The following AKNA variants were observed in gnomAD, a reference collection of about 807,000 sequenced individuals.
The protein encoded by AKNA is AT-hook transcription factor.
Under a neutral mutation model 138.8 loss-of-function variants are expected in AKNA, and 67 were observed. That is an observed-to-expected ratio of 0.48 (90% CI 0.40 to 0.59). AKNA has a LOEUF of 0.59. Ranked by LOEUF, AKNA falls within the 20% of genes least tolerant of loss-of-function variation. AKNA has a pLI of 0.00. For synonymous variants in AKNA, 737 were observed against 754.4 expected, an observed-to-expected ratio of 0.98 and a Z score of 0.38; for missense variants, 1,813 against 1,880.4, an observed-to-expected ratio of 0.96 and a Z score of 0.66.
intron 13 of AKNA, 67 bp downstream of exon 13, chr9:114,356,796 G>A (rs1831529341): frequency 3.0e-6 from 4 of 1,336,666 alleles, no homozygotes; most frequent in East Asian, 2.6e-5. Context: ...GCCATCACAG[G>A]CACTGTGATT....
chr9:114,356,457 C>T (rs1029669596), intron 13 of AKNA, among the ~76,000 whole-genome samples: 5 of 152,122 alleles, frequency 3.3e-5, no homozygotes, highest in Non-Finnish European at 7.4e-5. Context: ...CTGCACCCAG[C>T]TTTGGAGGCT....
At chr9:114,365,309 CA>C (rs770101343) in intron 6 of AKNA, among the ~76,000 whole-genome samples, 5 of 152,080 alleles carry the variant, frequency 3.3e-5, no homozygotes, top group Admixed American at 6.5e-5. Flanking sequence ...TTTAAGACTT[CA>C]AAAAGTCAAG....
chr9:114,349,203 G>A lies in AKNA; in HGVS notation c.3222-1303C>T, dbSNP rs75461735. 1.1e-3 allele frequency among the ~76,000 whole-genome samples: 162 copies of A among 152,298 alleles called. 1 individual carries two copies. The highest frequency in any genetic ancestry group is 2.0e-3 in the Non-Finnish European group (133 of 68,024). On this transcript the variant is annotated intron_variant, in intron 15 of 21. Coordinates refer to ENST00000374088, the MANE Select transcript of AKNA (RefSeq NM_001317950.2). The stretch of plus-strand genomic sequence containing the variant: ...ACTAAAAAAAAAGACTTACCAGGCC[G>A]GGGGCGTGAGTCAGCCACTTGGGTA...
At chr9:114,372,570 G>C (rs941682289) in intron 4 of AKNA, among the ~76,000 whole-genome samples, 1 of 152,122 alleles carries the variant, frequency 6.6e-6, no homozygotes, top group Non-Finnish European at 1.5e-5. Context: ...AGGGAGGAGG[G>C]AGGGTGCAGA....
intron 21 of AKNA, among the ~76,000 whole-genome samples, chr9:114,340,222 G>A (rs896826916): frequency 7.9e-5 from 12 of 152,178 alleles, no homozygotes; most frequent in East Asian, 5.8e-4. Context: ...TCACAGTGAC[G>A]CAGGCCCTCA....
At chr9:114,362,684 T>C in intron 7 of AKNA, 151 bp from the exon 8 acceptor site, 1 of 1,121,436 alleles carries the variant, frequency 8.9e-7, no homozygotes, top group South Asian at 1.8e-5. Flanking sequence ...TTGAGATCTC[T>C]GGAGGCTGCC....
At chr9:114,374,067 G>GCCTC (rs1832993085) in intron 4 of AKNA, 26 bp downstream of exon 4, 1 of 1,551,632 alleles carries the variant, frequency 6.4e-7, no homozygotes, top group Non-Finnish European at 8.7e-7. Context: ...TTGGGCCCAT[G>GCCTC]CCTCCACCCC....
At chr9:114,368,389 G>A in intron 5 of AKNA, 50 bp downstream of exon 5, 2 of 1,308,150 alleles carry the variant, frequency 1.5e-6, no homozygotes, top group Non-Finnish European at 2.0e-6. Context: ...CCACAGAGCA[G>A]AATCCCAGGC....
rs183371067 is a variant in AKNA at position 114,368,866 on chromosome 9, G to A, written c.1417-271C>T. On this transcript the variant is annotated intron_variant, in intron 4 of 21. Transcript: ENST00000374088. ...GAGACACAGAGAGGTTATTAAGTCA[G>A]TTACTCAAAATCCCCAGCTGATAAG... 3.3e-5 allele frequency among the ~76,000 whole-genome samples: 5 copies of A among 152,294 alleles called. No homozygotes were observed. In the East Asian group the frequency reaches 9.6e-4, roughly 29 times the overall value.
rs565363530 is a variant in AKNA, at chr9:114,346,491, G to A, written c.3514+178C>T. On this transcript the variant is annotated intron_variant, in intron 17 of 21. Transcript: ENST00000374088. ...AGCCCTTACAGACACCCTACACGCAGTAGGTGTGCAGGACTTTAGAAGTGC... is the reference window on the plus strand; with the variant it reads ...AGCCCTTACAGACACCCTACACGCAATAGGTGTGCAGGACTTTAGAAGTGC... Among the ~76,000 whole-genome samples the A allele has an allele frequency of 2.6e-5, 4 of 152,382 alleles. No individual in the cohort carries two copies. In the East Asian group the frequency reaches 7.7e-4, roughly 29 times the overall value.
rs148516924 is a variant in AKNA, at chr9:114,377,379, C to G, written c.428G>C (p.Arg143Thr). 2 of 1,613,894 alleles carry G rather than the reference C, an allele frequency of 1.2e-6. No homozygotes were observed. Among genetic ancestry groups the G allele is most frequent in the Non-Finnish European group, 1.7e-6 (2 of 1,179,898 alleles). The change falls in exon 3 of 22, where the codon AGG becomes ACG. Residue 143 changes from arginine to threonine, a missense_variant. By Grantham distance (71) the Arg-to-Thr change is moderately conservative. Transcript: ENST00000374088. ...EVEEAGESSS[R>T]LGYEAGLSLE... ...GCTGAGACCAGCCTCATACCCCAAC[C>G]TTGAGGAGCTCTCTCCAGCCTCCTC...
At chr9:114,332,062 C>T, downstream of AKNA, 1 of 641,730 alleles carries the variant, frequency 1.6e-6, no homozygotes, top group Non-Finnish European at 2.8e-6. Context: ...GCACCTGCCT[C>T]ACTGTAGGGA....
chr9:114,370,822 G>GT (rs1193205469), intron 4 of AKNA, among the ~76,000 whole-genome samples: 1 of 152,100 alleles, frequency 6.6e-6, no homozygotes, highest in East Asian at 1.9e-4. Flanking sequence ...AGAGGAAGAT[G>GT]TTTCCCCAAC....
intron 15 of AKNA, 107 bp from the exon 16 acceptor site, chr9:114,348,007 A>T: frequency 8.0e-7 from 1 of 1,253,382 alleles, no homozygotes; most frequent in South Asian, 1.4e-5. Flanking sequence ...CACAGCAGGC[A>T]CAGGGTCTAT....
At chr9:114,333,723 A>T (rs535151155), downstream of AKNA, among the ~76,000 whole-genome samples, 1 of 140,812 alleles carries the variant, frequency 7.1e-6, no homozygotes, top group Non-Finnish European at 1.5e-5. Flanking sequence ...ATAAAACTTC[A>T]ACTAGTCATA....
intron 9 of AKNA, among the ~76,000 whole-genome samples, chr9:114,361,134 C>T (rs913382226): frequency 6.6e-6 from 1 of 152,152 alleles, no homozygotes; most frequent in African/African-American, 2.4e-5. Flanking sequence ...AGTTTAAGGC[C>T]ATGCTCTCTA....
intron 4 of AKNA, among the ~76,000 whole-genome samples, chr9:114,369,917 A>G (rs1419846980): frequency 6.6e-6 from 1 of 152,156 alleles, no homozygotes; most frequent in East Asian, 1.9e-4. Context: ...AACCATCACC[A>G]TTATCACCAT....
downstream of AKNA, among the ~76,000 whole-genome samples, chr9:114,332,298 C>T (rs1048014783): frequency 6.6e-6 from 1 of 152,130 alleles, no homozygotes; most frequent in Non-Finnish European, 1.5e-5. Flanking sequence ...TTTTAATACC[C>T]GTGCAGTGGG....
At chr9:114,359,247 C>T (rs10982182) in intron 11 of AKNA, 12,732 of 310,472 alleles carry the variant, frequency 0.041, 1,367 homozygotes, top group African/African-American at 0.24. Context: ...TTTTGTATTT[C>T]TTGTTGAGAT....
Sources: allele counts gnomAD v4.1 joint callset (sites outside exome capture counted in the v4.1 genomes callset), GRCh38; gene constraint gnomAD v4.1.1; transcripts MANE v1.5; gene names NCBI Gene and HGNC (gene_info 2026-07-23, HGNC 2026-07-21).